The following CSGALNACT1 variants were observed in gnomAD, a reference collection of about 807,000 sequenced individuals.
CSGALNACT1 encodes beta4GalNAcT-1.
A neutral mutation model predicts 51.0 loss-of-function variants in CSGALNACT1; 52 were observed. The ratio of observed to expected loss-of-function variants is 1.02; its 90% CI spans 0.82 to 1.29. The LOEUF (loss-of-function observed/expected upper bound fraction) is 1.29, where lower values mean the gene tolerates loss of function less well. Among genes scored for constraint, CSGALNACT1 ranks in the 50% most tolerant of loss-of-function variants. CSGALNACT1 has a pLI of 0.00. For synonymous variants in CSGALNACT1, 341 were observed against 254.4 expected, an observed-to-expected ratio of 1.34 and a Z score of -3.24; for missense variants, 935 against 679.2, an observed-to-expected ratio of 1.38 and a Z score of -4.19.
chr8:19,406,739 T>C (rs1183644274), intron 9 of CSGALNACT1, among the ~76,000 whole-genome samples: 2 of 151,202 alleles, frequency 1.3e-5, no homozygotes, highest in Non-Finnish European at 2.9e-5. Flanking sequence ...CTCCTGCCAC[T>C]GCAAACAGAG....
At chr8:19,439,955 T>A (rs372718482) in intron 5 of CSGALNACT1, 24 bp from the exon 5 acceptor site, 1 of 1,584,580 alleles carries the variant, frequency 6.3e-7, no homozygotes, top group African/African-American at 1.3e-5. Flanking sequence ...CACATGCATG[T>A]CTGGCACCTG....
chr8:19,482,322 G>A (rs556513440), intron 4 of CSGALNACT1, among the ~76,000 whole-genome samples: 1 of 152,192 alleles, frequency 6.6e-6, no homozygotes, highest in South Asian at 2.1e-4. Flanking sequence ...AGCACATGCA[G>A]GGAGCAGCAC....
chr8:19,404,670 C>G (rs1014396444), exon 10 of CSGALNACT1: 9 of 453,468 alleles, frequency 2.0e-5, no homozygotes, highest in African/African-American at 1.8e-4. Flanking sequence ...AGGAGGAGCA[C>G]CCTGTTTTGA....
At chr8:19,748,212 G>A (rs1043431096) in intron 1 of CSGALNACT1, among the ~76,000 whole-genome samples, 22 of 152,150 alleles carry the variant, frequency 1.4e-4, no homozygotes, top group South Asian at 4.1e-4. Flanking sequence ...TTACCTTTCC[G>A]GTAACTAATT....
chr8:19,616,851 C>A (rs2053095921), intron 1 of CSGALNACT1, among the ~76,000 whole-genome samples: 1 of 152,202 alleles, frequency 6.6e-6, no homozygotes, highest in Non-Finnish European at 1.5e-5. Context: ...CGGTCCCCAA[C>A]CTTTTTGGCA....
At position 19,551,204 on chromosome 8, in the gene CSGALNACT1, G is replaced by C. The variant is rs183240084; in HGVS notation, c.-297+39956C>G. 1.2e-4 allele frequency among the ~76,000 whole-genome samples: 18 copies of C among 152,334 alleles called. No individual in the cohort carries two copies. The East Asian group carries it at 2.5e-3, about 21-fold the overall frequency. Reference sequence around the variant, plus strand: ...TTACAACAAAGTCGGATAACAGGCTGACACCAGCTGGAACCAACATGGCAG... The same window carrying C: ...TTACAACAAAGTCGGATAACAGGCTCACACCAGCTGGAACCAACATGGCAG... On this transcript the variant is annotated intron_variant, in intron 3 of 9. Transcript: ENST00000454498.
At chr8:19,656,782 T>C (rs1405018563) in intron 1 of CSGALNACT1, among the ~76,000 whole-genome samples, 2 of 152,192 alleles carry the variant, frequency 1.3e-5, no homozygotes, top group Non-Finnish European at 2.9e-5. Flanking sequence ...AATCAAACCA[T>C]GTAGGCCAGA....
chr8:19,463,664 C>G (rs1001799501), intron 4 of CSGALNACT1, among the ~76,000 whole-genome samples: 2 of 152,226 alleles, frequency 1.3e-5, no homozygotes, highest in Admixed American at 6.5e-5. Flanking sequence ...GTGCACTATG[C>G]AAATTAAAGA....
chr8:19,580,476 A>G (rs758276283), intron 3 of CSGALNACT1, among the ~76,000 whole-genome samples: 2 of 152,214 alleles, frequency 1.3e-5, no homozygotes, highest in African/African-American at 4.8e-5. Context: ...ACCAAATGAA[A>G]ACAGACTAAC....
chr8:19,473,201 G>A (rs1260534552), intron 4 of CSGALNACT1, among the ~76,000 whole-genome samples: 3 of 152,164 alleles, frequency 2.0e-5, no homozygotes, highest in Non-Finnish European at 4.4e-5. Flanking sequence ...ATACAAATTA[G>A]CATATGTAAT....
intron 1 of CSGALNACT1, among the ~76,000 whole-genome samples, chr8:19,736,226 G>A (rs777078338): frequency 1.2e-4 from 19 of 152,078 alleles, no homozygotes; most frequent in Non-Finnish European, 2.1e-4. Context: ...ACTATAGCCC[G>A]CTTGTTTTTA....
At chr8:19,703,456 A>T (rs995884742) in intron 1 of CSGALNACT1, among the ~76,000 whole-genome samples, 5 of 152,136 alleles carry the variant, frequency 3.3e-5, no homozygotes, top group African/African-American at 7.2e-5. Flanking sequence ...GGCACCTGCC[A>T]CCAAGCCCGG....
At chr8:19,450,813 G>C (rs927157372) in intron 5 of CSGALNACT1, among the ~76,000 whole-genome samples, 2 of 152,058 alleles carry the variant, frequency 1.3e-5, no homozygotes, top group Non-Finnish European at 2.9e-5. Context: ...AGGAGTCTGA[G>C]GGGGGAGGAT....
chr8:19,685,572 A>T (rs1369070311), upstream of CSGALNACT1, among the ~76,000 whole-genome samples: 1 of 152,240 alleles, frequency 6.6e-6, no homozygotes, highest in Non-Finnish European at 1.5e-5. Flanking sequence ...TCTTAGTGTT[A>T]CATGGTTCTT....
At chr8:19,646,806 A>G (rs2057320996) in intron 1 of CSGALNACT1, among the ~76,000 whole-genome samples, 2 of 152,308 alleles carry the variant, frequency 1.3e-5, no homozygotes, top group Middle Eastern at 3.4e-3. Flanking sequence ...AATGGTACCT[A>G]CTGTGAAGCT....
chr8:19,511,315 A>G (rs1376325201), intron 3 of CSGALNACT1, among the ~76,000 whole-genome samples: 2 of 152,228 alleles, frequency 1.3e-5, no homozygotes, highest in African/African-American at 2.4e-5. Context: ...CCAAAGCCCT[A>G]ATGCCGCAGT....
intron 1 of CSGALNACT1, among the ~76,000 whole-genome samples, chr8:19,620,822 A>G (rs888480417): frequency 1.3e-5 from 2 of 152,188 alleles, no homozygotes; most frequent in African/African-American, 4.8e-5. Flanking sequence ...ACACTCTGGT[A>G]TGTAGCCACG....
intron 1 of CSGALNACT1, among the ~76,000 whole-genome samples, chr8:19,650,034 C>A (rs2057659731): frequency 6.6e-6 from 1 of 151,982 alleles, no homozygotes; most frequent in East Asian, 1.9e-4. Flanking sequence ...GGTCAGCAGG[C>A]CAAAACAGTA....
At chr8:19,464,643 C>A (rs1207971529) in intron 4 of CSGALNACT1, among the ~76,000 whole-genome samples, 1 of 152,086 alleles carries the variant, frequency 6.6e-6, no homozygotes, top group African/African-American at 2.4e-5. Context: ...TGAGCTCTGC[C>A]TGCTGTCAGA....
Sources: allele counts gnomAD v4.1 joint callset (sites outside exome capture counted in the v4.1 genomes callset), GRCh38; gene constraint gnomAD v4.1.1; transcripts MANE v1.5; gene names NCBI Gene and HGNC (gene_info 2026-07-23, HGNC 2026-07-21).